The following TJP1 variants were observed in gnomAD, a reference collection of about 807,000 sequenced individuals.
TJP1 encodes tight junction protein 1.
Under a neutral mutation model 194.2 loss-of-function variants are expected in TJP1, and 43 were observed. The ratio of observed to expected loss-of-function variants is 0.22; its 90% CI spans 0.17 to 0.29. The LOEUF (loss-of-function observed/expected upper bound fraction) is 0.29. Ranked by LOEUF, TJP1 falls within the 10% of genes least tolerant of loss-of-function variation. TJP1 has a pLI of 1.00. For missense variants in TJP1, 1,971 were observed against 2,185.7 expected (o/e 0.90, Z 1.96); for synonymous variants, 801 against 779.0 (o/e 1.03, Z -0.47).
intron 8 of TJP1, among the ~76,000 whole-genome samples, chr15:29,754,780 A>G (rs774313833): frequency 6.6e-6 from 1 of 152,132 alleles, no homozygotes. Flanking sequence ...ATTTCCCTTG[A>G]GCGTCATGTT....
chr15:29,755,150 A>G (rs905131855), intron 8 of TJP1, among the ~76,000 whole-genome samples: 2 of 152,178 alleles, frequency 1.3e-5, no homozygotes, highest in Non-Finnish European at 2.9e-5. Flanking sequence ...AACTGCCTAC[A>G]GTATTTGGTA....
At chr15:29,754,814 A>G (rs2045539289) in intron 8 of TJP1, among the ~76,000 whole-genome samples, 1 of 152,164 alleles carries the variant, frequency 6.6e-6, no homozygotes, top group African/African-American at 2.4e-5. Context: ...TGGATTTTGG[A>G]GCATTTTGGA....
chr15:29,858,114 A>G (rs889583102), intron 2 of TJP1, among the ~76,000 whole-genome samples: 1 of 152,192 alleles, frequency 6.6e-6, no homozygotes, highest in African/African-American at 2.4e-5. Flanking sequence ...AGGACTATGG[A>G]AACAGGCCAG....
At chr15:29,858,349 C>T (rs912863031) in intron 2 of TJP1, among the ~76,000 whole-genome samples, 7 of 151,942 alleles carry the variant, frequency 4.6e-5, no homozygotes, top group South Asian at 4.2e-4. Context: ...TGCAATGAGC[C>T]GAAATTGCAC....
Position 29,761,297 on chromosome 15 carries a change from A to G in TJP1, c.863-11T>C. The G allele has an allele frequency of 6.2e-7, 1 of 1,613,802 alleles. No individual in the cohort carries two copies. ...GAATTTCTGAAATGTCTGTTAATAA[A>G]AGGGTGCTACTTATTTTCCCACAAA... On this transcript the variant is annotated splice_polypyrimidine_tract_variant and intron_variant, in intron 7 of 27. Transcript: ENST00000614355.
intron 1 of TJP1, among the ~76,000 whole-genome samples, chr15:29,961,334 C>CTTTTTTTTTTTTTTT (rs5811594): frequency 1.1e-5 from 1 of 89,818 alleles, no homozygotes; most frequent in Non-Finnish European, 1.9e-5. Context: ...TTTCCTAATT[C>CTTTTTTTTTTTTTTT]TTTTTTTTTT....
intron 2 of TJP1, among the ~76,000 whole-genome samples, chr15:29,851,990 A>G (rs115492418): frequency 1.0e-3 from 158 of 152,360 alleles, no homozygotes; most frequent in African/African-American, 3.5e-3. Context: ...CTCAAAATGT[A>G]TGACACTTAA....
At chr15:29,962,085 T>C (rs1295568180) in intron 1 of TJP1, among the ~76,000 whole-genome samples, 1 of 152,224 alleles carries the variant, frequency 6.6e-6, no homozygotes, top group Non-Finnish European at 1.5e-5. Context: ...ATCTTTGACA[T>C]GGGACTCGGT....
At chr15:29,707,023 A>C (rs969278215) in intron 25 of TJP1, among the ~76,000 whole-genome samples, 2 of 151,916 alleles carry the variant, frequency 1.3e-5, no homozygotes, top group African/African-American at 2.4e-5. Flanking sequence ...GACTTGATAA[A>C]ATCTCCCTAG....
At chr15:29,822,715 C>G (rs2050505458), upstream of TJP1, 1 of 158,918 alleles carries the variant, frequency 6.3e-6, no homozygotes, top group Non-Finnish European at 1.3e-5. Context: ...AATTCGCCCC[C>G]AAGGAGAAAG....
chr15:29,880,033 CATTAG>C (rs2052868060), intron 2 of TJP1, among the ~76,000 whole-genome samples: 2 of 152,140 alleles, frequency 1.3e-5, no homozygotes, highest in Non-Finnish European at 2.9e-5. Flanking sequence ...AAAAAATTAT[CATTAG>C]AATACAATTA....
chr15:29,804,346 A>G (rs2048983495), intron 1 of TJP1, among the ~76,000 whole-genome samples: 1 of 152,206 alleles, frequency 6.6e-6, no homozygotes, highest in South Asian at 2.1e-4. Context: ...TAAAATGCTG[A>G]GGAAAAACTA....
chr15:29,780,556 C>A (rs997846332), intron 2 of TJP1, among the ~76,000 whole-genome samples: 1 of 152,140 alleles, frequency 6.6e-6, no homozygotes, highest in African/African-American at 2.4e-5. Context: ...ATCCGTACAT[C>A]TCTGTGGCCT....
At chr15:29,748,067 A>G (rs1241894171) in intron 8 of TJP1, among the ~76,000 whole-genome samples, 1 of 152,204 alleles carries the variant, frequency 6.6e-6, no homozygotes, top group Non-Finnish European at 1.5e-5. Context: ...AATAATACAT[A>G]AAGATCTAGA....
Position 29,829,055 on chromosome 15 carries a change from A to G in TJP1, c.307-28353T>C, listed in dbSNP as rs138067757. Among the ~76,000 whole-genome samples the G allele has an allele frequency of 7.9e-4, 121 of 152,260 alleles. 1 individual carries two copies. The East Asian group carries it at 0.021, about 26-fold the overall frequency. ...GCATGAGCCACCATGCCGGGCCCCA[A>G]TTCTAAGTCTTGGCTCTTGGCCGGC... On this transcript the variant is annotated intron_variant, in intron 2 of 28. Coordinates refer to the TJP1 transcript ENST00000356107.
Position 29,726,479 on chromosome 15 carries a change from G to A in TJP1, c.2312C>T (p.Thr771Ile). The A allele has an allele frequency of 6.2e-7, 1 of 1,613,588 alleles. No individual in the cohort carries two copies. The highest frequency in any genetic ancestry group is 8.5e-7 in the Non-Finnish European group (1 of 1,179,634). The change falls in exon 18 of 28, where the codon ACT becomes ATT. Residue 771 changes from threonine (T) to isoleucine (I), a missense_variant and splice_region_variant. By Grantham distance (89) the Thr-to-Ile change is moderately conservative. This residue lies in a region of TJP1 where 402 missense variants were observed against 484.2 expected (regional missense o/e 0.83). Coordinates refer to ENST00000614355, the MANE Select transcript of TJP1 (RefSeq NM_001330239.4). ...LRKNNHHLFT[T>I]TINLNSMNDG... is the part of the protein sequence containing the mutation. Reference sequence around the variant, plus strand: ...ATTCATTGAATTTAAGTTAATTGTAGCTGAAAATAAATTAACGATGTAGTT... The same window carrying A: ...ATTCATTGAATTTAAGTTAATTGTAACTGAAAATAAATTAACGATGTAGTT...
At chr15:29,955,753 T>TAAAAAAAAAAAAAAAAAAAAAAAAA (rs563535771) in intron 2 of TJP1, among the ~76,000 whole-genome samples, 5 of 35,814 alleles carry the variant, frequency 1.4e-4, no homozygotes, top group African/African-American at 2.4e-4. Flanking sequence ...CCTGGCTCTT[T>TAAAAAAAAAAAAAAAAAAAAAAAAA]AAAAAAAAAA....
intron 1 of TJP1, among the ~76,000 whole-genome samples, chr15:29,805,845 T>C (rs1054176912): frequency 3.3e-5 from 5 of 152,134 alleles, no homozygotes; most frequent in African/African-American, 9.7e-5. Context: ...TTCATCAAGC[T>C]TGAAGGATGT....
In TJP1 at chr15:29,710,221, G is replaced by A. The variant is rs1156724108; in HGVS notation, c.4372+610C>T. 2.0e-5 allele frequency among the ~76,000 whole-genome samples: 3 copies of A among 151,878 alleles called. No homozygotes were observed. In the East Asian group the frequency reaches 5.8e-4, roughly 29 times the overall value. ...TAAAACTGTCTTTATCTGTAAACAT[G>A]GGCATGTGTGAAAAAAAATCTTAAT... On this transcript the variant is annotated intron_variant, in intron 24 of 27. Transcript: ENST00000614355.
Sources: gnomAD v4.1 joint callset for allele counts (sites outside exome capture counted in the v4.1 genomes callset) on GRCh38, gnomAD v4.1.1 for gene constraint, gnomAD v4.1.1 regional missense constraint, MANE v1.5 for transcripts, NCBI Gene and HGNC (gene_info 2026-07-23, HGNC 2026-07-21) for gene names.